Variants in AKAP12 observed in about 807,000 individuals in gnomAD.
AKAP12 encodes A-kinase anchoring protein 12.
In AKAP12, 32 loss-of-function variants were observed where a neutral mutation model predicts 79.9. That is an observed-to-expected ratio of 0.40 (90% confidence interval 0.30 to 0.54). AKAP12 has a LOEUF of 0.54. Ranked by LOEUF, AKAP12 falls within the 20% of genes least tolerant of loss-of-function variation. AKAP12 has a pLI of 0.48. For synonymous variants in AKAP12, 808 were observed against 857.0 expected, an observed-to-expected ratio of 0.94 and a Z score of 1.00; for missense variants, 2,074 against 2,177.0, an observed-to-expected ratio of 0.95 and a Z score of 0.94.
At chr6:151,248,036 G>A (rs1420416004) in intron 2 of AKAP12, among the ~76,000 whole-genome samples, 3 of 150,988 alleles carry the variant, frequency 2.0e-5, no homozygotes, top group Non-Finnish European at 4.4e-5. Flanking sequence ...ATTTCAAAAC[G>A]AAATAAACCA....
intron 2 of AKAP12, among the ~76,000 whole-genome samples, chr6:151,256,962 A>ATATATATATATATATATATATATAT (rs1554319585): frequency 6.6e-5 from 10 of 151,070 alleles, no homozygotes; most frequent in African/African-American, 1.2e-4. Context: ...ATATATATAT[A>ATATATATATATATATATATATATAT]AACTTTAAAT....
rs184956806 is a variant in AKAP12 at position 151,289,752 on chromosome 6, A to G, written c.163-15995A>G. Among the ~76,000 whole-genome samples the G allele has an allele frequency of 1.1e-3, 163 of 152,366 alleles. 1 individual carries two copies. Among genetic ancestry groups the G allele is most frequent in the Non-Finnish European group, 2.0e-3 (138 of 68,024 alleles). ...GCTGGCCTGTAAGAAAAAGAAGCAC[A>G]GGGATTTTGAATAGAGACACTGTCA... On this transcript the variant is annotated intron_variant, in intron 2 of 4. Transcript: ENST00000402676.
At chr6:151,320,362 C>A (rs1283650715) in intron 3 of AKAP12, among the ~76,000 whole-genome samples, 1 of 151,912 alleles carries the variant, frequency 6.6e-6, no homozygotes, top group Non-Finnish European at 1.5e-5. Context: ...TCAAGCAATC[C>A]TCCCATCTCG....
intron 3 of AKAP12, among the ~76,000 whole-genome samples, chr6:151,345,537 G>A (rs1582897123): frequency 6.6e-6 from 1 of 151,446 alleles, no homozygotes; most frequent in Admixed American, 6.6e-5. Flanking sequence ...GCTCACACCT[G>A]TAATCCCAGC....
intron 3 of AKAP12, among the ~76,000 whole-genome samples, chr6:151,334,918 C>T (rs545244070): frequency 6.6e-6 from 1 of 152,230 alleles, no homozygotes; most frequent in African/African-American, 2.4e-5. Context: ...CCGCCGCGCC[C>T]GGCCTTCAAC....
At chr6:151,304,903 G>T (rs1354086901) in intron 2 of AKAP12, among the ~76,000 whole-genome samples, 1 of 152,174 alleles carries the variant, frequency 6.6e-6, no homozygotes, top group Non-Finnish European at 1.5e-5. Flanking sequence ...GATGCCATCA[G>T]TTGCACAGGG....
At chr6:151,267,234 T>G (rs1776062657) in intron 2 of AKAP12, among the ~76,000 whole-genome samples, 1 of 152,120 alleles carries the variant, frequency 6.6e-6, no homozygotes, top group South Asian at 2.1e-4. Flanking sequence ...GGAGTTTAAT[T>G]GATTTTATAT....
chr6:151,354,474 C>T (rs866638939), intron 4 of AKAP12, among the ~76,000 whole-genome samples: 28 of 152,060 alleles, frequency 1.8e-4, no homozygotes, highest in African/African-American at 5.8e-4. Flanking sequence ...CCCAGGTTCA[C>T]GCCATTCTCC....
rs146163436 is a variant in AKAP12 at position 151,299,579 on chromosome 6, T to G, written c.163-6168T>G. On this transcript the variant is annotated intron_variant, in intron 2 of 4. Coordinates refer to ENST00000402676, the MANE Select transcript of AKAP12 (RefSeq NM_005100.4). The stretch of plus-strand genomic sequence containing the variant: ...TCTTTGTCAGTGGGTTATTTTTGTT[T>G]AGTTTGGTTTTAAACACATAAAAGA... 6.5e-3 allele frequency among the ~76,000 whole-genome samples: 995 copies of G among 152,312 alleles called. 9 individuals carry two copies. Among genetic ancestry groups the G allele is most frequent in the African/African-American group, 0.023 (950 of 41,572 alleles).
At chr6:151,340,094 TTTTG>T (rs928224890) in intron 3 of AKAP12, among the ~76,000 whole-genome samples, 23 of 151,924 alleles carry the variant, frequency 1.5e-4, no homozygotes, top group South Asian at 4.2e-4. Flanking sequence ...CCCGGCTAAT[TTTTG>T]TTTGTTTGTT....
chr6:151,349,737 A>C lies in AKAP12; in HGVS notation c.1346A>C (p.Glu449Ala), dbSNP rs1042063. The C allele has an allele frequency of 6.2e-7, 1 of 1,614,038 alleles. No homozygotes were observed. Among genetic ancestry groups the C allele is most frequent in the Non-Finnish European group, 8.5e-7 (1 of 1,180,038 alleles). The change falls in exon 4 of 5, where the codon GAA (glutamate) becomes GCA (alanine). Residue 449 changes from glutamate (E) to alanine (A), a missense_variant. By Grantham distance (107) the Glu-to-Ala change is moderately radical. Around this residue, in one of 3 missense-constraint regions of AKAP12, gnomAD observed 1,428 missense variants for 1,451.0 expected, o/e 0.98. Transcript: ENST00000402676. ...AGSVPAEELV[E>A]MDAEPQEAEP... ...TCTGTGCCAGCTGAAGAATTGGTTG[A>C]AATGGATGCAGAACCTCAGGAAGCT...
chr6:151,272,728 G>A (rs1776214248), intron 2 of AKAP12, among the ~76,000 whole-genome samples: 1 of 152,136 alleles, frequency 6.6e-6, no homozygotes, highest in Non-Finnish European at 1.5e-5. Flanking sequence ...TAGAGACAGG[G>A]TTTTACCATG....
intron 3 of AKAP12, chr6:151,341,907 C>A: frequency 2.8e-6 from 2 of 724,980 alleles, no homozygotes; most frequent in Non-Finnish European, 3.8e-6. Context: ...CCAGCCCAGG[C>A]TGTAGAGCCG....
chr6:151,242,930 T>C (rs1797006305), intron 2 of AKAP12, among the ~76,000 whole-genome samples: 1 of 152,206 alleles, frequency 6.6e-6, no homozygotes, highest in Non-Finnish European at 1.5e-5. Flanking sequence ...AGTTGGAGAA[T>C]ACCTTGACCT....
intron 1 of AKAP12, 150 bp from the exon 2 acceptor site, chr6:151,240,234 C>T: frequency 4.7e-6 from 1 of 211,506 alleles, no homozygotes; most frequent in Non-Finnish European, 9.3e-6. Context: ...GCTGGCGCGT[C>T]GCAGCGCCTC....
rs774286589 is a variant in AKAP12, at chr6:151,351,286, C to T, written c.2895C>T (p.Val965=). ...ACAGAGAGGCCCGGGGCGACACGGT[C>T]GTTAGTGAGGCGGAATTGACCCCCG... ...PENREARGDT[V]VSEAELTPEA... Residue 965 remains valine (V), a synonymous_variant, in exon 4 of 5, where the codon GTC becomes GTT. Coordinates refer to ENST00000402676, the MANE Select transcript of AKAP12 (RefSeq NM_005100.4). The surrounding 1 kb of genome is among the most constrained non-coding windows in gnomAD (Gnocchi z 4.4). The T allele has an allele frequency of 5.6e-6, 9 of 1,614,016 alleles. No individual in the cohort carries two copies. Among genetic ancestry groups the T allele is most frequent in the South Asian group, 5.5e-5 (5 of 91,080 alleles).
chr6:151,240,590 C>A lies in AKAP12; in HGVS notation c.28C>A (p.Arg10Ser). The A allele has an allele frequency of 7.0e-7, 1 of 1,438,230 alleles. No individual in the cohort carries two copies. 89.1% of individuals were successfully genotyped at this position (1,438,230 alleles called of 1,614,324 possible). The change falls in exon 2 of 5, where the codon CGC (arginine) becomes AGC (serine). Residue 10 changes from arginine (R) to serine (S), a missense_variant. Physicochemically the swap from Arg to Ser is moderately radical, Grantham distance 110 (BLOSUM62 -1). Transcript: ENST00000402676. MGAGSSTEQ[R>S]SPEQPPEGSS... is the part of the protein sequence containing the mutation. Reference sequence around the variant, plus strand: ...GGGCGCCGGGAGCTCCACCGAGCAGCGCAGCCCGGAGCAGCCGCCCGAGGG... The same window carrying A: ...GGGCGCCGGGAGCTCCACCGAGCAGAGCAGCCCGGAGCAGCCGCCCGAGGG...
intron 3 of AKAP12, among the ~76,000 whole-genome samples, chr6:151,336,729 C>T (rs547122139): frequency 8.5e-5 from 13 of 152,124 alleles, no homozygotes; most frequent in Non-Finnish European, 1.2e-4. Flanking sequence ...GGCGACAGAG[C>T]GAGACTCTGT....
intron 2 of AKAP12, among the ~76,000 whole-genome samples, chr6:151,275,187 TC>T (rs1776269394): frequency 6.6e-6 from 1 of 152,136 alleles, no homozygotes. Context: ...CTGGTTGTAC[TC>T]CCCAACCACT....
Sources: allele counts gnomAD v4.1 joint callset (sites outside exome capture counted in the v4.1 genomes callset), GRCh38; gene constraint gnomAD v4.1.1; regional missense constraint gnomAD v4.1.1; non-coding constraint Gnocchi (gnomAD v3.1); transcripts MANE v1.5; gene names NCBI Gene and HGNC (gene_info 2026-07-23, HGNC 2026-07-21).